Variants in GPM6A observed in about 807,000 individuals in gnomAD.
The protein encoded by GPM6A is glycoprotein M6A.
GPM6A carries 7 observed loss-of-function variants against 32.1 expected under a neutral mutation model. The observed-to-expected ratio is 0.22, with a 90% CI of 0.12 to 0.41. The LOEUF (loss-of-function observed/expected upper bound fraction) is 0.41, where lower values mean the gene tolerates loss of function less well. GPM6A is among the 10% of genes least tolerant of loss of function. The pLI is 1.00. For missense variants in GPM6A, 235 were observed against 347.2 expected (o/e 0.68, Z 2.57); for synonymous variants, 130 against 123.4 (o/e 1.05, Z -0.35).
intron 1 of GPM6A, among the ~76,000 whole-genome samples, chr4:175,733,381 T>C (rs535924518): frequency 3.3e-5 from 5 of 152,296 alleles, no homozygotes; most frequent in African/African-American, 7.2e-5. Flanking sequence ...GCACCGCCTA[T>C]AGTCCAAGCT....
At chr4:175,871,329 A>T (rs1736900533) in intron 1 of GPM6A, among the ~76,000 whole-genome samples, 2 of 151,944 alleles carry the variant, frequency 1.3e-5, no homozygotes, top group Non-Finnish European at 2.9e-5. Flanking sequence ...AATTAGCCGG[A>T]TGTGGTAGTG....
intron 1 of GPM6A, among the ~76,000 whole-genome samples, chr4:175,969,898 T>C (rs1235827133): frequency 6.6e-6 from 1 of 152,186 alleles, no homozygotes; most frequent in African/African-American, 2.4e-5. Flanking sequence ...ATAATGTCTA[T>C]TAATTTTTTA....
At chr4:175,811,906 A>G in intron 1 of GPM6A, 1 of 261,642 alleles carries the variant, frequency 3.8e-6, no homozygotes, top group Non-Finnish European at 7.1e-6. Context: ...GAAATAAATG[A>G]AGGTTAACAA....
intron 1 of GPM6A, among the ~76,000 whole-genome samples, chr4:175,874,180 C>T (rs2111444223): frequency 6.6e-6 from 1 of 152,186 alleles, no homozygotes. Context: ...TCATGTTCCG[C>T]AGGTCAATAA....
intron 1 of GPM6A, among the ~76,000 whole-genome samples, chr4:175,892,675 A>C (rs1737684050): frequency 6.6e-6 from 1 of 152,026 alleles, no homozygotes; most frequent in Admixed American, 6.6e-5. Flanking sequence ...CCTTCACCCA[A>C]TTGCCCCTTC....
chr4:175,751,459 T>TCATATACTAACTA (rs907212928), intron 1 of GPM6A, among the ~76,000 whole-genome samples: 1 of 152,194 alleles, frequency 6.6e-6, no homozygotes, highest in African/African-American at 2.4e-5. Context: ...AATTTAACTG[T>TCATATACTAACTA]ATAAACTAAC....
At chr4:175,932,078 G>C (rs905230691) in intron 1 of GPM6A, among the ~76,000 whole-genome samples, 89 of 144,576 alleles carry the variant, frequency 6.2e-4, no homozygotes, top group African/African-American at 2.1e-3. Context: ...CTGCGAGCCA[G>C]AGTGAGATCT....
At chr4:175,993,374 T>C (rs1741210609) in intron 1 of GPM6A, among the ~76,000 whole-genome samples, 1 of 151,382 alleles carries the variant, frequency 6.6e-6, no homozygotes, top group Admixed American at 6.6e-5. Flanking sequence ...CTTAAAACTC[T>C]TTTTTTTTCT....
At chr4:175,676,832 AATAAG>A (rs1201095368) in intron 2 of GPM6A, among the ~76,000 whole-genome samples, 3 of 152,210 alleles carry the variant, frequency 2.0e-5, no homozygotes, top group South Asian at 2.1e-4. Context: ...AGAGCTAATG[AATAAG>A]ATAAGTGTCT....
At chr4:175,883,413 T>C (rs1222213276) in intron 1 of GPM6A, among the ~76,000 whole-genome samples, 2 of 152,120 alleles carry the variant, frequency 1.3e-5, no homozygotes, top group African/African-American at 2.4e-5. Context: ...ATCCAATCAA[T>C]ATAAAAAATT....
intron 2 of GPM6A, among the ~76,000 whole-genome samples, chr4:175,677,923 A>C (rs1365182707): frequency 6.6e-6 from 1 of 152,212 alleles, no homozygotes; most frequent in African/African-American, 2.4e-5. Context: ...CGAGCAAAAA[A>C]GTTTTAGCCT....
intron 1 of GPM6A, among the ~76,000 whole-genome samples, chr4:175,752,459 T>C (rs1732374073): frequency 6.6e-6 from 1 of 152,116 alleles, no homozygotes; most frequent in African/African-American, 2.4e-5. Flanking sequence ...TGTCTCCTGG[T>C]CTTTCAAACC....
intron 1 of GPM6A, among the ~76,000 whole-genome samples, chr4:176,001,245 CA>C (rs1055921305): frequency 2.6e-5 from 4 of 152,140 alleles, no homozygotes; most frequent in African/African-American, 9.7e-5. Context: ...CAACAAAGGA[CA>C]AGGGAGAAGC....
At chr4:175,940,221 C>T (rs374570173) in intron 1 of GPM6A, among the ~76,000 whole-genome samples, 10 of 151,950 alleles carry the variant, frequency 6.6e-5, no homozygotes, top group East Asian at 3.8e-4. Context: ...TGTTAGCCAA[C>T]GTAAATATGA....
chr4:175,872,378 T>C (rs1414236458), intron 1 of GPM6A, among the ~76,000 whole-genome samples: 2 of 152,228 alleles, frequency 1.3e-5, no homozygotes, highest in Non-Finnish European at 2.9e-5. Flanking sequence ...AGGGCTTCTT[T>C]GATGTGTGTC....
chr4:175,761,649 G>A (rs1451713469), intron 1 of GPM6A, among the ~76,000 whole-genome samples: 1 of 151,562 alleles, frequency 6.6e-6, no homozygotes, highest in Non-Finnish European at 1.5e-5. Flanking sequence ...TATACTAAAA[G>A]GTTTTTTAAA....
chr4:175,750,848 C>T (rs1370345738), intron 1 of GPM6A, among the ~76,000 whole-genome samples: 1 of 152,172 alleles, frequency 6.6e-6, no homozygotes, highest in Non-Finnish European at 1.5e-5. Context: ...GCTGGGATTA[C>T]AGGCATGAGT....
intron 1 of GPM6A, among the ~76,000 whole-genome samples, chr4:175,741,518 G>A (rs1478858235): frequency 2.0e-5 from 3 of 152,082 alleles, no homozygotes; most frequent in African/African-American, 7.2e-5. Context: ...TTCATTATCA[G>A]ACTGTATCTA....
intron 1 of GPM6A, among the ~76,000 whole-genome samples, chr4:175,958,525 T>C (rs758025425): frequency 3.3e-5 from 5 of 152,198 alleles, no homozygotes; most frequent in Non-Finnish European, 7.3e-5. Flanking sequence ...GGGTGACATG[T>C]AAAAATGGCT....
Sources: allele counts gnomAD v4.1 joint callset (sites outside exome capture counted in the v4.1 genomes callset), GRCh38; gene constraint gnomAD v4.1.1; transcripts MANE v1.5; gene names NCBI Gene and HGNC (gene_info 2026-07-23, HGNC 2026-07-21).